The following MYO5C variants were observed in gnomAD, a reference collection of about 807,000 sequenced individuals.
MYO5C encodes the protein myosin VC.
A neutral mutation model predicts 235.7 loss-of-function variants in MYO5C; 194 were observed. That is an observed-to-expected ratio of 0.82 (90% CI 0.73 to 0.93). MYO5C has a LOEUF of 0.93. MYO5C is among the 40% of genes least tolerant of loss of function. The pLI, the probability that MYO5C is intolerant of heterozygous loss-of-function variation, is 0.00. For missense variants in MYO5C, 2,038 were observed against 2,127.2 expected, an observed-to-expected ratio of 0.96 and a Z score of 0.82; for synonymous variants, 707 against 754.8, an observed-to-expected ratio of 0.94 and a Z score of 1.04.
Position 52,244,627 on chromosome 15 carries a change from A to G in MYO5C, c.2179-60T>C, listed in dbSNP as rs997402709. ...TCTGTCAGATTTTCTATAATACAGT[A>G]TTTGGAAAAGAGCTTTAGGGATTCA... On this transcript the variant is annotated intron_variant, in intron 18 of 40. Coordinates refer to ENST00000261839, the MANE Select transcript of MYO5C (RefSeq NM_018728.4). 23 of 1,280,074 alleles carry G rather than the reference A, an allele frequency of 1.8e-5. 1 individual carries two copies. The highest frequency in any genetic ancestry group is 2.7e-4 in the Middle Eastern group (1 of 3,748). 79.3% of individuals were successfully genotyped at this position (1,280,074 alleles called of 1,614,324 possible).
chr15:52,273,909 C>T (rs777202752), intron 5 of MYO5C, among the ~76,000 whole-genome samples: 1 of 152,138 alleles, frequency 6.6e-6, no homozygotes, highest in South Asian at 2.1e-4. Context: ...ATCTTTCATC[C>T]AACCTTTATT....
At chr15:52,195,028 T>A (rs1175525758) in intron 40 of MYO5C, among the ~76,000 whole-genome samples, 1 of 152,026 alleles carries the variant, frequency 6.6e-6, no homozygotes, top group Non-Finnish European at 1.5e-5. Flanking sequence ...AGGGATTATA[T>A]AAGAAAAAAT....
At chr15:52,251,899 A>G (rs2036481170) in intron 12 of MYO5C, among the ~76,000 whole-genome samples, 1 of 152,096 alleles carries the variant, frequency 6.6e-6, no homozygotes, top group South Asian at 2.1e-4. Context: ...TCCTAACCTC[A>G]GGTGATCCAC....
rs77445860 is a variant in MYO5C at position 52,281,372 on chromosome 15, G to A, written c.138+1410C>T. On this transcript the variant is annotated intron_variant, in intron 2 of 40. Transcript: ENST00000261839. ...TCACCTCTGCAGCCGGGTCAAGGCC[G>A]GGAATGTAGCCACCTGAAGCCCTGC... Among the ~76,000 whole-genome samples the A allele has an allele frequency of 4.0e-4, 61 of 152,348 alleles. No individual in the cohort carries two copies. The East Asian group carries it at 8.3e-3, about 21-fold the overall frequency.
Position 52,214,663 on chromosome 15 carries a change from C to A in MYO5C, c.3982G>T (p.Asp1328Tyr), listed in dbSNP as rs751596445. 3 of 1,607,484 alleles carry A rather than the reference C, an allele frequency of 1.9e-6. No homozygotes were observed. In the East Asian group the frequency reaches 6.7e-5, roughly 36 times the overall value. ...RDLEEELDMK[D>Y]RVIKKLQDQV... ...TCTTGTAGCTTTTTAATCACTCTGTCTTTCATGTCTAATTCTTCTTCAAGA... is the reference window on the plus strand; with the variant it reads ...TCTTGTAGCTTTTTAATCACTCTGTATTTCATGTCTAATTCTTCTTCAAGA... The change falls in exon 33 of 41, where the codon GAC (aspartate) becomes TAC (tyrosine). Residue 1328 changes from aspartate to tyrosine, a missense_variant. Asp to Tyr is a radical substitution (Grantham distance 160, BLOSUM62 -3). Transcript: ENST00000261839.
intron 30 of MYO5C, among the ~76,000 whole-genome samples, chr15:52,220,264 T>A (rs1237540093): frequency 6.6e-6 from 1 of 152,244 alleles, no homozygotes; most frequent in African/African-American, 2.4e-5. Context: ...TCCTGGGTTT[T>A]CTTTAAAAAT....
At chr15:52,290,288 CTTTT>C (rs1279316966) in intron 1 of MYO5C, among the ~76,000 whole-genome samples, 1 of 152,064 alleles carries the variant, frequency 6.6e-6, no homozygotes, top group Admixed American at 6.6e-5. Context: ...CTTTTCATCC[CTTTT>C]TTTCTCTTTG....
intron 1 of MYO5C, among the ~76,000 whole-genome samples, chr15:52,285,488 C>A (rs2037245584): frequency 6.6e-6 from 1 of 151,704 alleles, no homozygotes; most frequent in African/African-American, 2.4e-5. Context: ...CCTCTCCCTC[C>A]TCTCCGTCCT....
At chr15:52,293,750 G>A (rs569612889) in intron 1 of MYO5C, among the ~76,000 whole-genome samples, 4 of 152,120 alleles carry the variant, frequency 2.6e-5, no homozygotes, top group South Asian at 2.1e-4. Flanking sequence ...ATTCAGCTAC[G>A]TGACCCCGGC....
In MYO5C at chr15:52,242,127, A is replaced by T. The variant is rs1566976028; in HGVS notation, c.2477T>A (p.Leu826Gln). Reference protein sequence around the residue: ...KHCRGYLVRSLYQLIRMATIT... With the variant: ...KHCRGYLVRSQYQLIRMATIT... ...GGTGGCCATGCGAATCAACTGATAC[A>T]GGCTGCGAACAAGATACCCGCGGCA... is the stretch of plus-strand genomic sequence containing the variant. Residue 826 changes from leucine to glutamine, a missense_variant, in exon 20 of 41, where the codon CTG becomes CAG. Transcript: ENST00000261839. 6.2e-7 allele frequency: 1 copy of T among 1,614,202 alleles called. No homozygotes were observed. Among genetic ancestry groups the T allele is most frequent in the African/African-American group, 1.3e-5 (1 of 75,060 alleles).
intron 29 of MYO5C, among the ~76,000 whole-genome samples, chr15:52,223,303 G>A (rs558792165): frequency 6.6e-5 from 10 of 152,190 alleles, no homozygotes; most frequent in Admixed American, 2.6e-4. Context: ...ACACACTTAC[G>A]CGCACACACA....
intron 8 of MYO5C, among the ~76,000 whole-genome samples, chr15:52,265,576 T>C (rs950056848): frequency 6.6e-6 from 1 of 152,022 alleles, no homozygotes; most frequent in Non-Finnish European, 1.5e-5. Context: ...TCTCACTCTG[T>C]TGTCCAGGCT....
At chr15:52,211,946 TG>T in intron 34 of MYO5C, 62 bp from the exon 35 acceptor site, 20 of 1,541,540 alleles carry the variant, frequency 1.3e-5, no homozygotes, top group Non-Finnish European at 1.8e-5. Flanking sequence ...CTAAGGAACT[TG>T]TGACTAGGGG....
intron 33 of MYO5C, 51 bp downstream of exon 33, chr15:52,214,552 C>T (rs750328660): frequency 1.7e-5 from 22 of 1,271,830 alleles, no homozygotes; most frequent in South Asian, 2.7e-5. Context: ...AACACTTGAG[C>T]GCATGTTAGC....
chr15:52,200,548 AAATAATAAT>A (rs34281585), intron 38 of MYO5C, among the ~76,000 whole-genome samples: 1 of 151,002 alleles, frequency 6.6e-6, no homozygotes, highest in African/African-American at 2.4e-5. Context: ...TTGGGTAACT[AAATAATAAT>A]AATAATAATA....
rs1056807605 is a variant in MYO5C at position 52,214,708 on chromosome 15, A to C, written c.3955-18T>G. On this transcript the variant is annotated intron_variant, in intron 32 of 40. Coordinates refer to ENST00000261839, the MANE Select transcript of MYO5C (RefSeq NM_018728.4). ...TCAAGATCCTACAGCAATAAAAAGA[A>C]ACCAGGATTTAGCTTAGAAGCACTT... The C allele has an allele frequency of 5.2e-6, 8 of 1,549,628 alleles. No homozygotes were observed. The highest frequency in any genetic ancestry group is 7.0e-6 in the Non-Finnish European group (8 of 1,146,256).
At chr15:52,222,171 A>G (rs1386635227) in intron 29 of MYO5C, among the ~76,000 whole-genome samples, 1 of 152,194 alleles carries the variant, frequency 6.6e-6, no homozygotes, top group African/African-American at 2.4e-5. Context: ...AACTTACAAT[A>G]CAATACTTCC....
chr15:52,221,031 T>C, intron 30 of MYO5C, 131 bp downstream of exon 30: 1 of 650,576 alleles, frequency 1.5e-6, no homozygotes, highest in Non-Finnish European at 2.7e-6. Context: ...AGCCCCCTTC[T>C]CACATTTGTT....
rs1566965948 is a variant in MYO5C, at chr15:52,218,579, A to G, written c.3894T>C (p.Thr1298=). 4 of 1,614,204 alleles carry G rather than the reference A, an allele frequency of 2.5e-6. No homozygotes were observed. Among genetic ancestry groups the G allele is most frequent in the Non-Finnish European group, 3.4e-6 (4 of 1,180,034 alleles). Reference sequence around the variant, plus strand: ...GGAAGTTACACTTGACTTCACTTTCAGTTTCAAATTGTTTCTTCAAGTGGT... The same window carrying G: ...GGAAGTTACACTTGACTTCACTTTCGGTTTCAAATTGTTTCTTCAAGTGGT... ...ASDHLKKQFE[T]ESEVKCNFRQ... The change falls in exon 32 of 41, where the codon ACT becomes ACC. Residue 1298 remains threonine, a synonymous_variant. Transcript: ENST00000261839.
Sources: allele counts gnomAD v4.1 joint callset (sites outside exome capture counted in the v4.1 genomes callset), GRCh38; gene constraint gnomAD v4.1.1; transcripts MANE v1.5; gene names NCBI Gene and HGNC (gene_info 2026-07-23, HGNC 2026-07-21).